PHF24: variants seen among roughly 807,000 people sequenced by gnomAD.
The protein encoded by PHF24 is PHD finger protein 24.
In PHF24, 25 loss-of-function variants were observed where a neutral mutation model predicts 42.6. The observed-to-expected ratio is 0.59, with a 90% CI of 0.43 to 0.82. PHF24 has a LOEUF of 0.82. Among genes scored for constraint, PHF24 ranks in the 40% least tolerant of loss-of-function variants. The pLI, the probability that PHF24 is intolerant of heterozygous loss-of-function variation, is 0.00. For missense variants in PHF24, 470 were observed against 538.1 expected, an observed-to-expected ratio of 0.87 and a Z score of 1.25; for synonymous variants, 185 against 204.8, an observed-to-expected ratio of 0.90 and a Z score of 0.83.
chr9:34,906,870 G>A, the PHF24 span, among the ~76,000 whole-genome samples: 44 of 152,094 alleles, frequency 2.9e-4, no homozygotes, highest in African/African-American at 9.7e-4. Flanking sequence ...AAGAAATTGG[G>A]TGTCATCACC....
the PHF24 span, among the ~76,000 whole-genome samples, chr9:34,712,135 C>T: frequency 6.6e-6 from 1 of 151,902 alleles, no homozygotes; most frequent in Non-Finnish European, 1.5e-5. Context: ...AAATATATCC[C>T]CCATTGTCTT....
chr9:34,698,760 G>A, the PHF24 span, among the ~76,000 whole-genome samples: 6 of 152,228 alleles, frequency 3.9e-5, no homozygotes, highest in Non-Finnish European at 5.9e-5. Context: ...GATTACAGGT[G>A]TGAGCCACCG....
rs1826471669 is a variant in PHF24, at chr9:34,958,504, C to T, written c.-5+103C>T. ...CTCTGAGGTGCTTGTGTGGGAGCCGCCTCCAAGGTGGCCCCCCTGTGTCAT... is the reference window on the plus strand; with the variant it reads ...CTCTGAGGTGCTTGTGTGGGAGCCGTCTCCAAGGTGGCCCCCCTGTGTCAT... On this transcript the variant is annotated intron_variant, in intron 1 of 7. Coordinates refer to ENST00000242315, the Ensembl canonical transcript of PHF24. The surrounding 1 kb of genome is among the most constrained non-coding windows in gnomAD (Gnocchi z 4.5). The T allele has an allele frequency of 6.9e-6, 1 of 144,600 alleles. No individual in the cohort carries two copies. The highest frequency in any genetic ancestry group is 1.6e-5 in the Non-Finnish European group (1 of 62,870). 9.0% of individuals were successfully genotyped at this position (144,600 alleles called of 1,614,324 possible).
the PHF24 span, among the ~76,000 whole-genome samples, chr9:34,877,245 C>T: frequency 3.4e-5 from 5 of 147,362 alleles, no homozygotes; most frequent in African/African-American, 1.0e-4. Context: ...CACACCACTG[C>T]ACTCCAGCCT....
the PHF24 span, among the ~76,000 whole-genome samples, chr9:34,721,399 TTC>T: frequency 0.024 from 3,371 of 139,110 alleles, 57 homozygotes; most frequent in African/African-American, 0.042. Flanking sequence ...TGTCTTTCCA[TTC>T]TCTCTCTCTC....
chr9:34,851,899 C>T, the PHF24 span, among the ~76,000 whole-genome samples: 2 of 151,972 alleles, frequency 1.3e-5, no homozygotes, highest in Admixed American at 1.3e-4. Context: ...ATTTACATAC[C>T]ACCATTATAG....
At chr9:34,896,630 T>A in the PHF24 span, among the ~76,000 whole-genome samples, 1 of 152,228 alleles carries the variant, frequency 6.6e-6, no homozygotes, top group Non-Finnish European at 1.5e-5. Flanking sequence ...GTGGTTGGAA[T>A]GTTTGCCTAA....
At chr9:34,839,645 C>G in the PHF24 span, among the ~76,000 whole-genome samples, 2 of 152,148 alleles carry the variant, frequency 1.3e-5, no homozygotes. Context: ...CATCCTTTAC[C>G]TCACTGGCAT....
chr9:34,763,571 T>G, the PHF24 span, among the ~76,000 whole-genome samples: 2 of 152,254 alleles, frequency 1.3e-5, no homozygotes, highest in African/African-American at 4.8e-5. Context: ...TTGCTGAAGT[T>G]GCTTATCAGC....
At chr9:34,737,409 C>T in the PHF24 span, among the ~76,000 whole-genome samples, 1 of 152,192 alleles carries the variant, frequency 6.6e-6, no homozygotes, top group Non-Finnish European at 1.5e-5. Context: ...TAATCAATTA[C>T]ATGGACATAC....
At chr9:34,781,829 A>C in the PHF24 span, among the ~76,000 whole-genome samples, 3 of 152,080 alleles carry the variant, frequency 2.0e-5, no homozygotes, top group East Asian at 5.8e-4. Flanking sequence ...AGTGAATTCC[A>C]CTCTTGCAAT....
At chr9:34,791,537 A>AT in the PHF24 span, among the ~76,000 whole-genome samples, 1 of 152,108 alleles carries the variant, frequency 6.6e-6, no homozygotes, top group Non-Finnish European at 1.5e-5. Flanking sequence ...ATAGTATTGA[A>AT]AGTCATGGGA....
At chr9:34,954,472 T>C (rs768606807), upstream of PHF24, among the ~76,000 whole-genome samples, 6 of 152,172 alleles carry the variant, frequency 3.9e-5, no homozygotes, top group Admixed American at 6.5e-5. Flanking sequence ...GGGAATTGTG[T>C]GCTAGGCAGT....
chr9:34,875,719 G>A, the PHF24 span, among the ~76,000 whole-genome samples: 24 of 152,042 alleles, frequency 1.6e-4, no homozygotes, highest in African/African-American at 5.6e-4. Flanking sequence ...GAAGGATTGT[G>A]TTCAGTTTTA....
At chr9:34,683,558 C>A in the PHF24 span, among the ~76,000 whole-genome samples, 1 of 152,178 alleles carries the variant, frequency 6.6e-6, no homozygotes, top group Non-Finnish European at 1.5e-5. Flanking sequence ...CACTCCAGCC[C>A]CATACATACA....
chr9:34,854,221 T>G, the PHF24 span, among the ~76,000 whole-genome samples: 1 of 119,188 alleles, frequency 8.4e-6, no homozygotes, highest in East Asian at 2.3e-4. Context: ...TCAAAAAAAA[T>G]CAGCTTCCAG....
chr9:34,867,291 C>T, the PHF24 span, among the ~76,000 whole-genome samples: 1 of 152,190 alleles, frequency 6.6e-6, no homozygotes, highest in Non-Finnish European at 1.5e-5. Flanking sequence ...CCATTTAATG[C>T]AATTATTACA....
At chr9:34,706,600 A>G in the PHF24 span, among the ~76,000 whole-genome samples, 1 of 152,252 alleles carries the variant, frequency 6.6e-6, no homozygotes, top group African/African-American at 2.4e-5. Context: ...GAGAGTGGCC[A>G]GTCATGATCT....
the PHF24 span, chr9:34,680,808 T>C: frequency 1.3e-5 from 2 of 152,204 alleles, no homozygotes; most frequent in Non-Finnish European, 2.9e-5. Flanking sequence ...ACTGTAACTT[T>C]TATCCATATT....
Sources: allele counts gnomAD v4.1 joint callset (sites outside exome capture counted in the v4.1 genomes callset), GRCh38; gene constraint gnomAD v4.1.1; non-coding constraint Gnocchi (gnomAD v3.1); transcripts MANE v1.5; gene names NCBI Gene and HGNC (gene_info 2026-07-23, HGNC 2026-07-21).